CIB4: variants seen among roughly 807,000 people sequenced by gnomAD.
The protein encoded by CIB4 is calcium and integrin-binding family member 4.
CIB4 carries 25 observed loss-of-function variants against 25.8 expected under a neutral mutation model. The observed-to-expected ratio is 0.97, with a 90% CI of 0.71 to 1.35. The LOEUF is 1.35. Ranked by LOEUF, CIB4 falls within the 40% of genes most tolerant of loss-of-function variation. The pLI is 0.00. For missense variants in CIB4, 235 were observed against 228.2 expected, an observed-to-expected ratio of 1.03 and a Z score of -0.19; for synonymous variants, 75 against 81.4, an observed-to-expected ratio of 0.92 and a Z score of 0.42.
chr2:26,629,261 C>T (rs1413094645), intron 3 of CIB4, 149 bp downstream of exon 3: 4 of 631,192 alleles, frequency 6.3e-6, no homozygotes, highest in African/African-American at 1.8e-5. Flanking sequence ...CCTTGCACTC[C>T]TCTGCCTGGA....
chr2:26,595,343 G>T lies in CIB4; in HGVS notation c.187-26C>A, dbSNP rs1271960071. 3 of 1,605,654 alleles carry T rather than the reference G, an allele frequency of 1.9e-6. No individual in the cohort carries two copies. In the Admixed American group the frequency reaches 5.0e-5, roughly 27 times the overall value. ...CTGTGGGCGACAGGAGGAGCAGGGA[G>T]GAGGTCTATCAGGGTCGGGGCTGTG... is the stretch of plus-strand genomic sequence containing the variant. On this transcript the variant is annotated intron_variant, in intron 3 of 6. Transcript: ENST00000288861.
rs551556120 is a variant in CIB4 at position 26,581,830 on chromosome 2, G to C, written c.528-437C>G. The stretch of plus-strand genomic sequence containing the variant: ...GAGGAGCCCCCTCCTCATCCAGGCA[G>C]TCAGAAGAGGGGAGGACCCCTGACC... On this transcript the variant is annotated intron_variant, in intron 6 of 6. Coordinates refer to ENST00000288861, the MANE Select transcript of CIB4 (RefSeq NM_001029881.3). Among the ~76,000 whole-genome samples, 835 of 152,354 alleles carry C rather than the reference G, an allele frequency of 5.5e-3. 7 individuals carry two copies. The highest frequency in any genetic ancestry group is 8.9e-3 in the Non-Finnish European group (607 of 68,022).
chr2:26,592,272 G>A (rs1182319182), intron 4 of CIB4, among the ~76,000 whole-genome samples: 1 of 152,240 alleles, frequency 6.6e-6, no homozygotes, highest in Non-Finnish European at 1.5e-5. Context: ...GCTTGAGCCA[G>A]CACGGCTGCC....
At chr2:26,606,286 G>T (rs1668888369) in intron 3 of CIB4, among the ~76,000 whole-genome samples, 1 of 152,212 alleles carries the variant, frequency 6.6e-6, no homozygotes, top group Admixed American at 6.5e-5. Context: ...TCTCAATCAA[G>T]CGCACGCAAA....
intron 4 of CIB4, among the ~76,000 whole-genome samples, chr2:26,589,480 C>G (rs1215996619): frequency 1.3e-5 from 2 of 152,040 alleles, no homozygotes; most frequent in South Asian, 2.1e-4. Flanking sequence ...TGCCACCATG[C>G]CTAGCTAGTT....
In CIB4 at chr2:26,595,326, G is replaced by C. The variant is rs368654483; in HGVS notation, c.187-9C>G. On this transcript the variant is annotated splice_polypyrimidine_tract_variant and intron_variant, in intron 3 of 6. Coordinates refer to ENST00000288861, the MANE Select transcript of CIB4 (RefSeq NM_001029881.3). ...TCTCTGAAAGGGTTGACCTGTGGGC[G>C]ACAGGAGGAGCAGGGAGGAGGTCTA... 5 of 1,609,578 alleles carry C rather than the reference G, an allele frequency of 3.1e-6. No homozygotes were observed. In the Admixed American group the frequency reaches 8.3e-5, roughly 27 times the overall value.
intron 2 of CIB4, among the ~76,000 whole-genome samples, chr2:26,638,557 G>A (rs1035990826): frequency 3.3e-5 from 5 of 152,152 alleles, no homozygotes; most frequent in African/African-American, 9.7e-5. Context: ...GCCATTTGAA[G>A]CCCCTGGGTT....
intron 4 of CIB4, among the ~76,000 whole-genome samples, chr2:26,584,351 G>A (rs1376189408): frequency 6.6e-6 from 1 of 152,058 alleles, no homozygotes; most frequent in African/African-American, 2.4e-5. Flanking sequence ...TCTTTTGGTG[G>A]CTGGGAGCCA....
At chr2:26,630,991 C>G (rs1669408488) in intron 2 of CIB4, among the ~76,000 whole-genome samples, 1 of 152,136 alleles carries the variant, frequency 6.6e-6, no homozygotes, top group African/African-American at 2.4e-5. Flanking sequence ...CCAAAATTAC[C>G]CCTCCCTCCT....
chr2:26,582,412 C>A (rs987301991), intron 6 of CIB4, among the ~76,000 whole-genome samples: 3 of 152,070 alleles, frequency 2.0e-5, no homozygotes, highest in Non-Finnish European at 4.4e-5. Context: ...GAATTGGGTG[C>A]TTCTCTCATT....
intron 4 of CIB4, among the ~76,000 whole-genome samples, chr2:26,592,209 C>T (rs1668597845): frequency 6.6e-6 from 1 of 152,248 alleles, no homozygotes; most frequent in African/African-American, 2.4e-5. Context: ...AACAGCAAGC[C>T]TGGGCTGGCA....
At chr2:26,638,071 G>A (rs1010137380) in intron 2 of CIB4, among the ~76,000 whole-genome samples, 30 of 152,234 alleles carry the variant, frequency 2.0e-4, no homozygotes, top group African/African-American at 7.2e-4. Context: ...CTACCCAGGG[G>A]CAGGCACAGG....
At chr2:26,626,990 G>C (rs73920312) in intron 3 of CIB4, among the ~76,000 whole-genome samples, 1 of 152,300 alleles carries the variant, frequency 6.6e-6, no homozygotes, top group African/African-American at 2.4e-5. Flanking sequence ...TACATGCAAG[G>C]AGTGTGATAG....
chr2:26,633,615 C>G (rs1040419401), intron 2 of CIB4, among the ~76,000 whole-genome samples: 3 of 152,178 alleles, frequency 2.0e-5, no homozygotes, highest in African/African-American at 7.2e-5. Flanking sequence ...GGCTGCATCT[C>G]GGCTGCCATA....
chr2:26,621,983 A>G (rs575489270), intron 3 of CIB4, among the ~76,000 whole-genome samples: 206 of 152,352 alleles, frequency 1.4e-3, no homozygotes, highest in African/African-American at 4.4e-3. Flanking sequence ...ATCCAGGAAA[A>G]ATAAACAAAA....
chr2:26,633,056 G>A (rs1031047147), intron 2 of CIB4, among the ~76,000 whole-genome samples: 1 of 152,126 alleles, frequency 6.6e-6, no homozygotes, highest in African/African-American at 2.4e-5. Context: ...TGCCAGTCTT[G>A]CAAGGAAGGG....
intron 3 of CIB4, among the ~76,000 whole-genome samples, chr2:26,611,587 G>T (rs1668996912): frequency 6.6e-6 from 1 of 152,144 alleles, no homozygotes; most frequent in South Asian, 2.1e-4. Context: ...AATTCTTGGA[G>T]TGGACAGTTC....
intron 4 of CIB4, among the ~76,000 whole-genome samples, chr2:26,588,200 C>G (rs1379715521): frequency 1.3e-5 from 2 of 152,262 alleles, no homozygotes; most frequent in South Asian, 4.1e-4. Flanking sequence ...CTCAGAGACC[C>G]TGCGGTGTCC....
At chr2:26,626,751 G>A (rs1669314372) in intron 3 of CIB4, among the ~76,000 whole-genome samples, 1 of 152,142 alleles carries the variant, frequency 6.6e-6, no homozygotes, top group African/African-American at 2.4e-5. Context: ...GCCCCGGCCT[G>A]TGCACCTAGC....
Sources: gnomAD v4.1 joint callset for allele counts (sites outside exome capture counted in the v4.1 genomes callset) on GRCh38, gnomAD v4.1.1 for gene constraint, MANE v1.5 for transcripts, NCBI Gene and HGNC (gene_info 2026-07-23, HGNC 2026-07-21) for gene names.